The following ZNF462 variants were observed in gnomAD, a reference collection of about 807,000 sequenced individuals.
The protein encoded by ZNF462 is zinc finger protein 462, also known as zinc finger PBX1-interacting protein.
A neutral mutation model predicts 201.9 loss-of-function variants in ZNF462; 10 were observed. That is an observed-to-expected ratio of 0.05 (90% CI 0.03 to 0.08). ZNF462 has a LOEUF of 0.08. Among genes scored for constraint, ZNF462 ranks in the 10% least tolerant of loss-of-function variants. The pLI is 1.00. For missense variants in ZNF462, 2,523 were observed against 3,168.3 expected, an observed-to-expected ratio of 0.80 and a Z score of 4.89; for synonymous variants, 1,227 against 1,193.3, an observed-to-expected ratio of 1.03 and a Z score of -0.58.
intron 1 of ZNF462, among the ~76,000 whole-genome samples, chr9:106,898,933 A>G (rs999022775): frequency 2.0e-5 from 3 of 152,180 alleles, no homozygotes; most frequent in Non-Finnish European, 2.9e-5. Flanking sequence ...GGAATTAATG[A>G]TAACAATGGC....
chr9:106,913,969 G>A lies in ZNF462; in HGVS notation c.-30-9385G>A, dbSNP rs10816453. Among the ~76,000 whole-genome samples the A allele has an allele frequency of 0.21, 30,799 of 149,538 alleles. 4,209 individuals carry two copies. The highest frequency in any genetic ancestry group is 0.28 in the Middle Eastern group (78 of 280). ...CTCACAGGATTATCAACTGTGCAAAGGTGGATACAAAGGCCGTATCACTAG... is the reference window on the plus strand; with the variant it reads ...CTCACAGGATTATCAACTGTGCAAAAGTGGATACAAAGGCCGTATCACTAG... On this transcript the variant is annotated intron_variant, in intron 1 of 12. Transcript: ENST00000277225. The surrounding 1 kb of genome is among the most constrained non-coding windows in gnomAD (Gnocchi z 4.1).
rs1830752672 is a variant in ZNF462, at chr9:106,939,049, A to G, written c.6369A>G (p.Ser2123=). Residue 2123 remains serine (S), a synonymous_variant, in exon 7 of 13, where the codon TCA becomes TCG. Coordinates refer to ENST00000277225, the MANE Select transcript of ZNF462 (RefSeq NM_021224.6). ...CACGGATCGTCAGTCTCCTCTCCTC[A>G]CACTCCCACCACTCCTCCCAAAAAG... ...PRPRIVSLLS[S]HSHHSSQKAT... The G allele has an allele frequency of 6.2e-7, 1 of 1,613,426 alleles. No individual in the cohort carries two copies. Among genetic ancestry groups the G allele is most frequent in the Non-Finnish European group, 8.5e-7 (1 of 1,179,772 alleles).
chr9:106,910,339 G>A (rs1377952960), intron 1 of ZNF462, among the ~76,000 whole-genome samples: 2 of 106,098 alleles, frequency 1.9e-5, no homozygotes, highest in East Asian at 5.2e-4. Flanking sequence ...ACATTTTTCT[G>A]TCGTCCTCCA....
At position 107,011,617 on chromosome 9, in the gene ZNF462, G is replaced by C. The variant is rs1252889315; in HGVS notation, c.*587G>C. 2.0e-5 allele frequency: 3 copies of C among 152,038 alleles called. No individual in the cohort carries two copies. The highest frequency in any genetic ancestry group is 4.4e-5 in the Non-Finnish European group (3 of 68,038). The allele number at this position is 152,038 out of a possible 1,614,324, so 9.4% of individuals were successfully genotyped here. The stretch of plus-strand genomic sequence containing the variant: ...TTTGTCAGTACTACCTGTCGTCGTT[G>C]TGGTTAAATGTAGAGAGAACTGCTG... On this transcript the variant is annotated 3_prime_UTR_variant, in exon 13 of 13. Transcript: ENST00000277225. The surrounding 1 kb of genome is among the most constrained non-coding windows in gnomAD (Gnocchi z 5.6).
In ZNF462 at chr9:106,970,693, T is replaced by C. The variant is rs1228284203; in HGVS notation, c.6428-1312T>C. On this transcript the variant is annotated intron_variant, in intron 7 of 12. Transcript: ENST00000277225. The surrounding 1 kb of genome is among the most constrained non-coding windows in gnomAD (Gnocchi z 4.2). The stretch of plus-strand genomic sequence containing the variant: ...TCATGGACTTCATTTGTGTCATTCA[T>C]AGGCAGCTGTAGGTTATATAGGACA... 6.6e-6 allele frequency among the ~76,000 whole-genome samples: 1 copy of C among 152,230 alleles called. No individual in the cohort carries two copies. Among genetic ancestry groups the C allele is most frequent in the Non-Finnish European group, 1.5e-5 (1 of 68,050 alleles).
rs1827461087 is a variant in ZNF462 at position 106,981,870 on chromosome 9, C to G, written c.6833-2316C>G. On this transcript the variant is annotated intron_variant, in intron 9 of 12. Transcript: ENST00000277225. This position sits in a 1 kb window ranked among gnomAD's most constrained non-coding sequence, Gnocchi z 4.0. ...ATATGAAAAATGATACCGGGCTGTT[C>G]TTCTTCACCGTAGAGGTCAACGGAA... Among the ~76,000 whole-genome samples, 2 of 152,128 alleles carry G rather than the reference C, an allele frequency of 1.3e-5. No individual in the cohort carries two copies. The highest frequency in any genetic ancestry group is 4.1e-4 in the South Asian group (2 of 4,826).
rs1298707851 is a variant in ZNF462, at chr9:106,902,906, T to A, written c.-30-20448T>A. On this transcript the variant is annotated intron_variant, in intron 1 of 12. Transcript: ENST00000277225. The surrounding 1 kb of genome is among the most constrained non-coding windows in gnomAD (Gnocchi z 4.2). ...TTTCATTTATCTTTTGTGTTTTTTTTGTTTGTTTGTTTGAATTTCATTTAG... is the reference window on the plus strand; with the variant it reads ...TTTCATTTATCTTTTGTGTTTTTTTAGTTTGTTTGTTTGAATTTCATTTAG... Among the ~76,000 whole-genome samples, 2 of 152,150 alleles carry A rather than the reference T, an allele frequency of 1.3e-5. No individual in the cohort carries two copies. Among genetic ancestry groups the A allele is most frequent in the Non-Finnish European group, 2.9e-5 (2 of 67,998 alleles).
chr9:106,910,341 C>T (rs1370329827), intron 1 of ZNF462, among the ~76,000 whole-genome samples: 2 of 135,822 alleles, frequency 1.5e-5, no homozygotes, highest in South Asian at 2.5e-4. Flanking sequence ...ATTTTTCTGT[C>T]GTCCTCCACC....
intron 10 of ZNF462, among the ~76,000 whole-genome samples, chr9:107,001,877 T>C (rs1300940036): frequency 6.6e-6 from 1 of 152,200 alleles, no homozygotes; most frequent in Non-Finnish European, 1.5e-5. Flanking sequence ...TTCATTGTTA[T>C]AGATAGATCA....
chr9:107,010,545 T>G lies in ZNF462; in HGVS notation c.7314-278T>G, dbSNP rs73668723. On this transcript the variant is annotated intron_variant, in intron 12 of 12. Coordinates refer to ENST00000277225, the MANE Select transcript of ZNF462 (RefSeq NM_021224.6). The surrounding 1 kb of genome is among the most constrained non-coding windows in gnomAD (Gnocchi z 4.6). ...GTGACATAAAATGATTATGCTTATC[T>G]AGAAAGAAAACATGGGATAATCAAT... Among the ~76,000 whole-genome samples, 5,504 of 152,220 alleles carry G rather than the reference T, an allele frequency of 0.036. 329 individuals are homozygous for G. The highest frequency in any genetic ancestry group is 0.12 in the African/African-American group (5,184 of 41,524).
chr9:106,886,146 T>C lies in ZNF462; in HGVS notation c.-31+22791T>C, dbSNP rs1828306678. Among the ~76,000 whole-genome samples the C allele has an allele frequency of 6.6e-6, 1 of 152,090 alleles. No individual in the cohort carries two copies. Among genetic ancestry groups the C allele is most frequent in the Non-Finnish European group, 1.5e-5 (1 of 68,006 alleles). On this transcript the variant is annotated intron_variant, in intron 1 of 12. Coordinates refer to ENST00000277225, the MANE Select transcript of ZNF462 (RefSeq NM_021224.6). The surrounding 1 kb of genome is among the most constrained non-coding windows in gnomAD (Gnocchi z 4.6). ...GGTTTGTTGGCCTTAGCCTGATAGG[T>C]GGTAGCCACATAATGACTCATTGAG...
In ZNF462 at chr9:107,006,479, A is replaced by T. The variant is rs1265798545; in HGVS notation, c.7189+3053A>T. Reference sequence around the variant, plus strand: ...ACACCACTTTCCCAGTGCTTCGAGTAGTGTAATCTTCACTGAAGGGGACCT... The same window carrying T: ...ACACCACTTTCCCAGTGCTTCGAGTTGTGTAATCTTCACTGAAGGGGACCT... On this transcript the variant is annotated intron_variant, in intron 11 of 12. Coordinates refer to ENST00000277225, the MANE Select transcript of ZNF462 (RefSeq NM_021224.6). This position sits in a 1 kb window ranked among gnomAD's most constrained non-coding sequence, Gnocchi z 4.3. Among the ~76,000 whole-genome samples, 1 of 152,166 alleles carries T rather than the reference A, an allele frequency of 6.6e-6. No homozygotes were observed. Among genetic ancestry groups the T allele is most frequent in the Non-Finnish European group, 1.5e-5 (1 of 68,026 alleles).
At chr9:106,922,397 A>G (rs1564099815) in intron 1 of ZNF462, among the ~76,000 whole-genome samples, 1 of 152,224 alleles carries the variant, frequency 6.6e-6, no homozygotes, top group Non-Finnish European at 1.5e-5. Flanking sequence ...TCACAAAGTA[A>G]ATAGCAGAAT....
chr9:106,893,556 C>T (rs1334147466), intron 1 of ZNF462, among the ~76,000 whole-genome samples: 3 of 152,112 alleles, frequency 2.0e-5, no homozygotes, highest in Non-Finnish European at 4.4e-5. Context: ...TAATTGTTTC[C>T]ATTTGTCTTA....
intron 1 of ZNF462, among the ~76,000 whole-genome samples, chr9:106,863,797 T>C (rs1030726639): frequency 7.8e-6 from 1 of 128,186 alleles, no homozygotes; most frequent in African/African-American, 3.0e-5. Flanking sequence ...ATGCTCCGAG[T>C]GTGGGGACAG....
At chr9:107,002,297 G>A (rs1227790324) in intron 10 of ZNF462, among the ~76,000 whole-genome samples, 1 of 152,106 alleles carries the variant, frequency 6.6e-6, no homozygotes, top group Non-Finnish European at 1.5e-5. Context: ...CCAGAACCAG[G>A]TCTCATTCAT....
At chr9:106,861,540 C>T (rs893953332), upstream of ZNF462, among the ~76,000 whole-genome samples, 1 of 152,234 alleles carries the variant, frequency 6.6e-6, no homozygotes, top group South Asian at 2.1e-4. Flanking sequence ...TCTTTCTGCC[C>T]CGCGCGCTGC....
rs1830089219 is a variant in ZNF462 at position 106,924,014 on chromosome 9, C to T, written c.221-119C>T. The T allele has an allele frequency of 4.7e-6, 4 of 846,510 alleles. No homozygotes were observed. The African/African-American group carries it at 5.1e-5, about 11-fold the overall frequency. The allele number at this position is 846,510 out of a possible 1,614,324, so 52.4% of individuals were successfully genotyped here. A position where few individuals can be genotyped will look rare whatever the true frequency, so the allele number is the denominator to read the frequency against. On this transcript the variant is annotated intron_variant, in intron 2 of 12. Coordinates refer to ENST00000277225, the MANE Select transcript of ZNF462 (RefSeq NM_021224.6). The surrounding 1 kb of genome is among the most constrained non-coding windows in gnomAD (Gnocchi z 6.2). Reference sequence around the variant, plus strand: ...TACTCTTCAAGGCCTCATCTTGAGACTTCAGGCCTTTTGCATGTGATGTTT... The same window carrying T: ...TACTCTTCAAGGCCTCATCTTGAGATTTCAGGCCTTTTGCATGTGATGTTT...
At chr9:106,911,277 G>A (rs1386342430) in intron 1 of ZNF462, among the ~76,000 whole-genome samples, 1 of 152,172 alleles carries the variant, frequency 6.6e-6, no homozygotes, top group Non-Finnish European at 1.5e-5. Context: ...GCAAACAGTA[G>A]TTGTCTCCTG....
Sources: allele counts gnomAD v4.1 joint callset (sites outside exome capture counted in the v4.1 genomes callset), GRCh38; gene constraint gnomAD v4.1.1; non-coding constraint Gnocchi (gnomAD v3.1); transcripts MANE v1.5; gene names NCBI Gene and HGNC (gene_info 2026-07-23, HGNC 2026-07-21).